Variants in LIMCH1 observed in about 807,000 individuals in gnomAD.
LIMCH1 encodes LIM and calponin homology domains 1, also known as LIM and calponin homology domains-containing protein 1.
Under a neutral mutation model 176.5 loss-of-function variants are expected in LIMCH1, and 113 were observed. That is an observed-to-expected ratio of 0.64 (90% CI 0.55 to 0.75). LIMCH1 has a LOEUF of 0.75. Ranked by LOEUF, LIMCH1 falls within the 30% of genes least tolerant of loss-of-function variation. The pLI, the probability that LIMCH1 is intolerant of heterozygous loss-of-function variation, is 0.00. For missense variants in LIMCH1, 1,674 were observed against 1,814.9 expected, an observed-to-expected ratio of 0.92 and a Z score of 1.41; for synonymous variants, 619 against 645.9, an observed-to-expected ratio of 0.96 and a Z score of 0.63.
intron 1 of LIMCH1, among the ~76,000 whole-genome samples, chr4:41,406,690 C>A (rs992606812): frequency 1.3e-5 from 2 of 152,150 alleles, no homozygotes; most frequent in Non-Finnish European, 2.9e-5. Context: ...TACAGTGTCG[C>A]ACTGTAAAGA....
chr4:41,570,082 G>A (rs777543967), intron 1 of LIMCH1, among the ~76,000 whole-genome samples: 3 of 152,210 alleles, frequency 2.0e-5, no homozygotes, highest in Non-Finnish European at 4.4e-5. Flanking sequence ...CCCAGCGTGG[G>A]ATATTAGGTA....
At chr4:41,535,859 TAA>T (rs2077868147), upstream of LIMCH1, among the ~76,000 whole-genome samples, 1 of 152,218 alleles carries the variant, frequency 6.6e-6, no homozygotes, top group East Asian at 1.9e-4. Flanking sequence ...AGCAGTGCTG[TAA>T]AGCTTTTTTT....
At chr4:41,368,537 A>C (rs531187283) in intron 1 of LIMCH1, among the ~76,000 whole-genome samples, 6 of 152,250 alleles carry the variant, frequency 3.9e-5, no homozygotes, top group Non-Finnish European at 7.3e-5. Flanking sequence ...AGTGAAAATA[A>C]GATTTAAGCT....
At chr4:41,445,208 G>A (rs2063161027) in intron 1 of LIMCH1, among the ~76,000 whole-genome samples, 1 of 152,068 alleles carries the variant, frequency 6.6e-6, no homozygotes, top group South Asian at 2.1e-4. Context: ...GTTTCACCAT[G>A]TTGGCCAGGA....
At chr4:41,436,593 A>T (rs905373190) in intron 1 of LIMCH1, among the ~76,000 whole-genome samples, 8 of 152,352 alleles carry the variant, frequency 5.3e-5, no homozygotes. Context: ...TAGAAGCAGC[A>T]TGTAAAGTGA....
At chr4:41,422,702 T>C (rs774695932) in intron 1 of LIMCH1, among the ~76,000 whole-genome samples, 1 of 152,124 alleles carries the variant, frequency 6.6e-6, no homozygotes, top group Non-Finnish European at 1.5e-5. Context: ...TGTGGCCAGA[T>C]TGTGGTTTTC....
At chr4:41,426,049 T>C (rs1581965826) in intron 1 of LIMCH1, among the ~76,000 whole-genome samples, 1 of 126,008 alleles carries the variant, frequency 7.9e-6, no homozygotes, top group Non-Finnish European at 1.6e-5. Flanking sequence ...TGAGACGGAG[T>C]CTCGCTCTGT....
chr4:41,626,897 G>C lies in LIMCH1; in HGVS notation c.915G>C (p.Val305=), dbSNP rs1168977423. ...RARMNQTKPM[V]PLNQLLYGPY... is the part of the protein sequence containing the mutation. ...GGATGAACCAAACCAAGCCAATGGT[G>C]CCATTAAATCAACTCCTCTATGGCC... Residue 305 remains valine, a synonymous_variant, in exon 8 of 32, where the codon GTG becomes GTC. Coordinates refer to ENST00000503057, the MANE Select transcript of LIMCH1 (RefSeq NM_001330672.2). The C allele has an allele frequency of 6.5e-7, 1 of 1,536,110 alleles. No homozygotes were observed. Among genetic ancestry groups the C allele is most frequent in the Non-Finnish European group, 8.7e-7 (1 of 1,146,918 alleles).
At chr4:41,613,359 T>C in intron 4 of LIMCH1, 107 bp from the exon 5 acceptor site, 1 of 944,848 alleles carries the variant, frequency 1.1e-6, no homozygotes, top group South Asian at 1.7e-5. Flanking sequence ...AACCTTTCCA[T>C]TCTGATGTGA....
At chr4:41,606,781 G>A (rs1479462111) in intron 4 of LIMCH1, among the ~76,000 whole-genome samples, 2 of 152,050 alleles carry the variant, frequency 1.3e-5, no homozygotes, top group East Asian at 3.9e-4. Context: ...ATTTATAATG[G>A]ACCTCCATGT....
intron 1 of LIMCH1, among the ~76,000 whole-genome samples, chr4:41,419,173 AT>A (rs2060219267): frequency 1.1e-5 from 1 of 88,608 alleles, no homozygotes; most frequent in African/African-American, 5.4e-5. Context: ...ATTTCATTTT[AT>A]TTTATTTAAT....
intron 1 of LIMCH1, among the ~76,000 whole-genome samples, chr4:41,411,491 A>G (rs2059474009): frequency 6.6e-6 from 1 of 152,112 alleles, no homozygotes; most frequent in Non-Finnish European, 1.5e-5. Context: ...CTATAGGTGC[A>G]GGCTACTGCC....
At chr4:41,506,805 C>T (rs1340277463) in intron 2 of LIMCH1, among the ~76,000 whole-genome samples, 1 of 151,982 alleles carries the variant, frequency 6.6e-6, no homozygotes, top group East Asian at 1.9e-4. Flanking sequence ...TGGTTTTTAT[C>T]CCTCATAATG....
chr4:41,472,736 T>C (rs1185349395), intron 1 of LIMCH1, among the ~76,000 whole-genome samples: 2 of 152,116 alleles, frequency 1.3e-5, no homozygotes, highest in Non-Finnish European at 2.9e-5. Flanking sequence ...ATTGGATAAT[T>C]TTCCTGCAAG....
intron 1 of LIMCH1, among the ~76,000 whole-genome samples, chr4:41,461,883 A>C (rs2065411845): frequency 6.6e-6 from 1 of 152,232 alleles, no homozygotes; most frequent in Admixed American, 6.5e-5. Flanking sequence ...GAGCGTAATG[A>C]AATGAGCATG....
intron 1 of LIMCH1, among the ~76,000 whole-genome samples, chr4:41,556,298 G>A (rs936844447): frequency 6.6e-6 from 1 of 150,920 alleles, no homozygotes; most frequent in African/African-American, 2.4e-5. Context: ...GAGAGGCTGA[G>A]GTAGGAGAAT....
In LIMCH1 at chr4:41,469,721, G is replaced by A. The variant is rs184728293; in HGVS notation, c.97-24815G>A. The stretch of plus-strand genomic sequence containing the variant: ...TTTTGAGATGGAATCTCTCTCTGTC[G>A]CCCAGGCTGGACTGCAGTGGCACAA... On this transcript the variant is annotated intron_variant, in intron 1 of 26. Coordinates refer to the LIMCH1 transcript ENST00000313860. 4.0e-3 allele frequency among the ~76,000 whole-genome samples: 569 copies of A among 142,300 alleles called. 4 individuals carry two copies. The highest frequency in any genetic ancestry group is 0.015 in the African/African-American group (540 of 35,630). 93.4% of individuals were successfully genotyped at this position (142,300 alleles called of 152,430 possible).
chr4:41,581,824 A>C (rs111915643), intron 1 of LIMCH1, among the ~76,000 whole-genome samples: 25,793 of 147,726 alleles, frequency 0.17, 3,111 homozygotes, highest in African/African-American at 0.31. Flanking sequence ...AAAAAAAAAA[A>C]AAAAAACAAC....
intron 25 of LIMCH1, among the ~76,000 whole-genome samples, chr4:41,681,792 T>G (rs1353205837): frequency 6.6e-6 from 1 of 152,186 alleles, no homozygotes; most frequent in Non-Finnish European, 1.5e-5. Flanking sequence ...ATCCTGCATA[T>G]GTACCCCAAA....
Sources: gnomAD v4.1 joint callset for allele counts (sites outside exome capture counted in the v4.1 genomes callset) on GRCh38, gnomAD v4.1.1 for gene constraint, MANE v1.5 for transcripts, NCBI Gene and HGNC (gene_info 2026-07-23, HGNC 2026-07-21) for gene names.